Variants in ERBIN observed in about 807,000 individuals in gnomAD.
ERBIN encodes erbb2 interacting protein.
Under a neutral mutation model 158.4 loss-of-function variants are expected in ERBIN, and 60 were observed. The ratio of observed to expected loss-of-function variants is 0.38; its 90% CI spans 0.31 to 0.47. The LOEUF (loss-of-function observed/expected upper bound fraction) is 0.47. Among genes scored for constraint, ERBIN ranks in the 20% least tolerant of loss-of-function variants. The pLI is 0.99. For synonymous variants in ERBIN, 594 were observed against 557.2 expected (o/e 1.07, Z -0.93); for missense variants, 1,610 against 1,648.0 (o/e 0.98, Z 0.40).
At chr5:66,035,496 G>A (rs1163212469) in intron 14 of ERBIN, among the ~76,000 whole-genome samples, 3 of 152,164 alleles carry the variant, frequency 2.0e-5, no homozygotes, top group Admixed American at 2.0e-4. Flanking sequence ...CCTAGTGTTT[G>A]TGTATTTTGC....
chr5:66,045,117 C>T (rs1375596739), intron 17 of ERBIN, among the ~76,000 whole-genome samples: 1 of 151,808 alleles, frequency 6.6e-6, no homozygotes, highest in Admixed American at 6.6e-5. Context: ...ACTTGGGAGA[C>T]TTGAGGTGAG....
At chr5:66,017,677 A>G (rs1195478799) in intron 7 of ERBIN, among the ~76,000 whole-genome samples, 3 of 151,752 alleles carry the variant, frequency 2.0e-5, no homozygotes, top group African/African-American at 7.3e-5. Context: ...CTGTAATCCC[A>G]TTTGTCTATT....
rs1269019355 is a variant in ERBIN at position 66,054,343 on chromosome 5, C to G, written c.3025C>G (p.Leu1009Val). ...QIDHASFPPQLLPRSESTENQ... is the reference protein window; with the variant it reads ...QIDHASFPPQVLPRSESTENQ... ...AGACCATGCCAGTTTTCCTCCTCAG[C>G]TCCTTCCTAGATCAGAGAGCACAGA... The change falls in exon 21 of 26, where the codon CTC (leucine) becomes GTC (valine). Residue 1009 changes from leucine to valine, a missense_variant. Physicochemically the swap from Leu to Val is conservative, Grantham distance 32 (BLOSUM62 1). Transcript: ENST00000284037. 6 of 1,614,038 alleles carry G rather than the reference C, an allele frequency of 3.7e-6. No individual in the cohort carries two copies. The highest frequency in any genetic ancestry group is 5.1e-6 in the Non-Finnish European group (6 of 1,180,030).
At chr5:65,962,639 C>T (rs146239664) in intron 1 of ERBIN, among the ~76,000 whole-genome samples, 4,543 of 152,162 alleles carry the variant, frequency 0.03, 98 homozygotes, top group Middle Eastern at 0.058. Flanking sequence ...TTTTCCCCCT[C>T]TTTTAGTAAT....
At chr5:65,993,003 G>T in intron 3 of ERBIN, 96 bp downstream of exon 3, 1 of 1,007,374 alleles carries the variant, frequency 9.9e-7, no homozygotes, top group Non-Finnish European at 1.4e-6. Flanking sequence ...CAATATATTT[G>T]TGTGGTTGAA....
chr5:66,057,020 C>CT (rs1214584595), intron 21 of ERBIN, among the ~76,000 whole-genome samples: 2 of 152,158 alleles, frequency 1.3e-5, no homozygotes, highest in Non-Finnish European at 2.9e-5. Flanking sequence ...TGTGAGACTG[C>CT]TTTTACCTAA....
intron 14 of ERBIN, among the ~76,000 whole-genome samples, chr5:66,037,094 A>C (rs1757469783): frequency 6.6e-6 from 1 of 152,094 alleles, no homozygotes; most frequent in South Asian, 2.1e-4. Context: ...CCTCCCATAT[A>C]ATTTTTATAT....
rs750086804 is a variant in ERBIN, at chr5:66,054,927, T to C, written c.3609T>C (p.His1203=). 3.2e-6 allele frequency: 5 copies of C among 1,581,062 alleles called. No individual in the cohort carries two copies. In the Admixed American group the frequency reaches 5.6e-5, roughly 18 times the overall value. Residue 1203 remains histidine (H), a synonymous_variant, in exon 21 of 26, where the codon CAT becomes CAC. Coordinates refer to ENST00000284037, the MANE Select transcript of ERBIN (RefSeq NM_001253697.2). ...PRDWREQVLR[H]IEAKKLEKKH... ...ACTGGAGAGAACAAGTACTTCGACA[T>C]ATTGAAGCCAAAAAGTTAGAAAAGG...
At chr5:65,937,091 A>G (rs539555358) in intron 1 of ERBIN, among the ~76,000 whole-genome samples, 9 of 152,222 alleles carry the variant, frequency 5.9e-5, no homozygotes, top group East Asian at 1.9e-4. Context: ...TTAAATGTCA[A>G]TTCTTTTAGG....
At chr5:66,061,158 C>T (rs1760251626) in intron 21 of ERBIN, among the ~76,000 whole-genome samples, 2 of 152,074 alleles carry the variant, frequency 1.3e-5, no homozygotes, top group South Asian at 2.1e-4. Flanking sequence ...TAAAGTCTCC[C>T]ATTATTATTG....
chr5:66,011,897 T>A (rs1754246400), intron 4 of ERBIN, 152 bp from the exon 5 acceptor site: 1 of 479,222 alleles, frequency 2.1e-6, no homozygotes, highest in Non-Finnish European at 3.8e-6. Flanking sequence ...GTTGTGCAGG[T>A]CATTGTTTAG....
At chr5:66,063,059 T>C (rs1396764152) in intron 21 of ERBIN, among the ~76,000 whole-genome samples, 1 of 152,252 alleles carries the variant, frequency 6.6e-6, no homozygotes, top group African/African-American at 2.4e-5. Context: ...CACTACTCTC[T>C]TCAAAACTGT....
chr5:66,034,357 T>C (rs1233951428), intron 14 of ERBIN, among the ~76,000 whole-genome samples: 2 of 151,992 alleles, frequency 1.3e-5, no homozygotes, highest in Admixed American at 1.3e-4. Context: ...TGGCTCCATC[T>C]TGGCTCTCTG....
rs559370741 is a variant in ERBIN at position 66,026,173 on chromosome 5, A to G, written c.1021-129A>G. ...TTATGTACATAAAAATTAATTAAAAAGAAAGTCTAGTCATTATTTCTTCTA... is the reference window on the plus strand; with the variant it reads ...TTATGTACATAAAAATTAATTAAAAGGAAAGTCTAGTCATTATTTCTTCTA... On this transcript the variant is annotated intron_variant, in intron 12 of 25. Transcript: ENST00000284037. 1.0e-5 allele frequency: 7 copies of G among 698,438 alleles called. No individual in the cohort carries two copies. The East Asian group carries it at 2.2e-4, about 22-fold the overall frequency. The allele number at this position is 698,438 out of a possible 1,614,324, so 43.3% of individuals were successfully genotyped here. A position where few individuals can be genotyped will look rare whatever the true frequency, so the allele number is the denominator to read the frequency against.
rs1762281889 is a variant in ERBIN, at chr5:66,079,493, A to G, written c.*963A>G. ...TGAAACAAAAATGGCCAGTTTTAAGATTGTGTTGCCTGTAACACAAAATGT... is the reference window on the plus strand; with the variant it reads ...TGAAACAAAAATGGCCAGTTTTAAGGTTGTGTTGCCTGTAACACAAAATGT... On this transcript the variant is annotated 3_prime_UTR_variant, in exon 26 of 26. Coordinates refer to ENST00000284037, the MANE Select transcript of ERBIN (RefSeq NM_001253697.2). The G allele has an allele frequency of 6.6e-6, 1 of 152,444 alleles. No individual in the cohort carries two copies. Among genetic ancestry groups the G allele is most frequent in the South Asian group, 2.1e-4 (1 of 4,822 alleles). The allele number at this position is 152,444 out of a possible 1,614,324, so 9.4% of individuals were successfully genotyped here.
rs1745761795 is a variant in ERBIN, at chr5:65,946,471, TG to T, written c.-58+19666del. On this transcript the variant is annotated intron_variant, in intron 1 of 25. Transcript: ENST00000284037. ...AGAGTTGTTGCTTATAGCTATAATT[TG>T]TTCATTTTTATTGAGTAGTACTCCA... 2.0e-5 allele frequency among the ~76,000 whole-genome samples: 3 copies of T among 152,244 alleles called. No homozygotes were observed. In the South Asian group the frequency reaches 6.2e-4, roughly 31 times the overall value.
At chr5:66,063,186 A>G (rs186377992) in intron 21 of ERBIN, among the ~76,000 whole-genome samples, 2 of 152,158 alleles carry the variant, frequency 1.3e-5, no homozygotes, top group Non-Finnish European at 2.9e-5. Flanking sequence ...GGTGGGCTTC[A>G]CCCAGTTCGA....
intron 1 of ERBIN, among the ~76,000 whole-genome samples, chr5:65,927,336 G>T (rs1234195322): frequency 6.6e-6 from 1 of 152,072 alleles, no homozygotes; most frequent in Non-Finnish European, 1.5e-5. Context: ...TATTTAGTTA[G>T]ATTTTAGAAA....
intron 7 of ERBIN, among the ~76,000 whole-genome samples, chr5:66,019,569 A>G (rs1755468537): frequency 6.6e-6 from 1 of 152,174 alleles, no homozygotes; most frequent in Non-Finnish European, 1.5e-5. Flanking sequence ...AGATTTCTAA[A>G]GTGTATGAGT....
Sources: gnomAD v4.1 joint callset for allele counts (sites outside exome capture counted in the v4.1 genomes callset) on GRCh38, gnomAD v4.1.1 for gene constraint, MANE v1.5 for transcripts, NCBI Gene and HGNC (gene_info 2026-07-23, HGNC 2026-07-21) for gene names.